Variants in ATP10B observed in about 807,000 individuals in gnomAD.
The protein encoded by ATP10B is ATPase phospholipid transporting 10B (putative).
ATP10B carries 122 observed loss-of-function variants against 141.2 expected under a neutral mutation model. The observed-to-expected ratio is 0.86, with a 90% confidence interval of 0.75 to 1.00. The LOEUF (loss-of-function observed/expected upper bound fraction) is 1.00. Ranked by LOEUF, ATP10B falls within the 50% of genes least tolerant of loss-of-function variation. The pLI is 0.00. For missense variants in ATP10B, 1,876 were observed against 1,825.3 expected (o/e 1.03, Z -0.51); for synonymous variants, 685 against 692.0 (o/e 0.99, Z 0.16).
Position 160,634,558 on chromosome 5 carries a change from C to T in ATP10B, c.1177G>A (p.Gly393Arg), listed in dbSNP as rs149397148. 9.9e-6 allele frequency: 16 copies of T among 1,613,744 alleles called. No individual in the cohort carries two copies. The highest frequency in any genetic ancestry group is 4.4e-5 in the South Asian group (4 of 91,006). The change falls in exon 12 of 26, where the codon GGG (glycine) becomes AGG (arginine). Residue 393 changes from glycine to arginine, a missense_variant. Physicochemically the swap from Gly to Arg is moderately radical, Grantham distance 125 (BLOSUM62 -2). Coordinates refer to ENST00000327245, the MANE Select transcript of ATP10B (RefSeq NM_025153.3). ...LYVSIELVKLGQVFFLSNDLD... is the reference protein window; with the variant it reads ...LYVSIELVKLRQVFFLSNDLD... ...TCATTGCTCAAGAAGAACACTTGCCCGAGCTTCACCAGCTCAATGGAGACA... is the reference window on the plus strand; with the variant it reads ...TCATTGCTCAAGAAGAACACTTGCCTGAGCTTCACCAGCTCAATGGAGACA...
intron 2 of ATP10B, among the ~76,000 whole-genome samples, chr5:160,767,469 A>T (rs936899344): frequency 1.3e-5 from 2 of 152,154 alleles, no homozygotes; most frequent in Admixed American, 6.6e-5. Context: ...CTGAGCTCAC[A>T]GTGCTATTTA....
At position 160,602,951 on chromosome 5, in the gene ATP10B, G is replaced by A. The variant is rs10476327; in HGVS notation, c.3238-249C>T. On this transcript the variant is annotated intron_variant, in intron 20 of 25. Coordinates refer to ENST00000327245, the MANE Select transcript of ATP10B (RefSeq NM_025153.3). Reference sequence around the variant, plus strand: ...AGTGGTCTAGGCTGGCTCTTCATCCGTTTATCCAGCAAGCATTGACTGTGG... The same window carrying A: ...AGTGGTCTAGGCTGGCTCTTCATCCATTTATCCAGCAAGCATTGACTGTGG... 1.8e-4 allele frequency: 70 copies of A among 384,850 alleles called. 1 individual carries two copies. Among genetic ancestry groups the A allele is most frequent in the African/African-American group, 8.2e-4 (40 of 48,820 alleles). 23.8% of individuals were successfully genotyped at this position (384,850 alleles called of 1,614,324 possible). A position where few individuals can be genotyped will look rare whatever the true frequency, so the allele number is the denominator to read the frequency against.
Position 160,732,516 on chromosome 5 carries a change from T to C in ATP10B, c.-330-15482A>G, listed in dbSNP as rs555490555. On this transcript the variant is annotated intron_variant, in intron 2 of 25. Coordinates refer to ENST00000327245, the MANE Select transcript of ATP10B (RefSeq NM_025153.3). ...GAGAGTCTAGTTTCATTCTTCTGCA[T>C]ATGGATATGCAGTTTTCCAGGCTTG... is the stretch of plus-strand genomic sequence containing the variant. Among the ~76,000 whole-genome samples, 49 of 152,324 alleles carry C rather than the reference T, an allele frequency of 3.2e-4. 1 individual carries two copies. The highest frequency in any genetic ancestry group is 3.4e-3 in the Middle Eastern group (1 of 294).
At chr5:160,725,409 G>A (rs143791603) in intron 2 of ATP10B, among the ~76,000 whole-genome samples, 5 of 151,998 alleles carry the variant, frequency 3.3e-5, no homozygotes, top group South Asian at 2.1e-4. Context: ...ATGTTTCATC[G>A]TCTTACCTAG....
chr5:160,783,073 A>T (rs1482149753), intron 2 of ATP10B, among the ~76,000 whole-genome samples: 2 of 151,926 alleles, frequency 1.3e-5, no homozygotes, highest in Admixed American at 1.3e-4. Flanking sequence ...CAGTTTGGTT[A>T]CATAAGTTCT....
chr5:160,576,245 G>T (rs1755181187), intron 24 of ATP10B, among the ~76,000 whole-genome samples: 1 of 152,154 alleles, frequency 6.6e-6, no homozygotes, highest in African/African-American at 2.4e-5. Context: ...TACTGTGAGT[G>T]TCTAGGATAA....
intron 6 of ATP10B, among the ~76,000 whole-genome samples, chr5:160,671,902 A>G (rs1019678117): frequency 7.4e-6 from 1 of 135,652 alleles, no homozygotes; most frequent in African/African-American, 2.8e-5. Context: ...TGGGTATACT[A>G]CCTCCCTGCA....
the ATP10B span, among the ~76,000 whole-genome samples, chr5:160,913,422 A>T: frequency 5.9e-5 from 9 of 152,248 alleles, no homozygotes; most frequent in Admixed American, 5.9e-4. Context: ...CACTAGAAGC[A>T]GTTACTATGG....
the ATP10B span, among the ~76,000 whole-genome samples, chr5:160,890,792 G>A: frequency 1.4e-4 from 21 of 152,024 alleles, no homozygotes; most frequent in Middle Eastern, 0.01. Context: ...ACAGCTCACC[G>A]CAGCCTCTAA....
intron 2 of ATP10B, among the ~76,000 whole-genome samples, chr5:160,778,499 A>T (rs1192196510): frequency 6.6e-6 from 1 of 152,142 alleles, no homozygotes; most frequent in African/African-American, 2.4e-5. Flanking sequence ...CCTCTTTTTT[A>T]AGTATCTGGG....
the ATP10B span, among the ~76,000 whole-genome samples, chr5:160,915,444 G>C: frequency 6.6e-6 from 1 of 151,792 alleles, no homozygotes. Flanking sequence ...TGATTCTCCT[G>C]TCTCAGCCTC....
intron 2 of ATP10B, among the ~76,000 whole-genome samples, chr5:160,721,607 T>A (rs1392284906): frequency 1.3e-5 from 2 of 152,174 alleles, no homozygotes; most frequent in Non-Finnish European, 2.9e-5. Context: ...GCTAAGAGGA[T>A]GGGGCTACTG....
At chr5:160,873,675 A>G in the ATP10B span, among the ~76,000 whole-genome samples, 3 of 152,158 alleles carry the variant, frequency 2.0e-5, no homozygotes, top group East Asian at 1.9e-4. Flanking sequence ...CAGTGGGTGC[A>G]CGCACTGTGC....
intron 2 of ATP10B, among the ~76,000 whole-genome samples, chr5:160,752,104 G>T (rs976123678): frequency 6.6e-6 from 1 of 150,886 alleles, no homozygotes; most frequent in Non-Finnish European, 1.5e-5. Context: ...ACATAAAAAG[G>T]CATTTGTGCA....
intron 24 of ATP10B, among the ~76,000 whole-genome samples, chr5:160,572,237 A>G (rs1452756065): frequency 6.6e-6 from 1 of 150,688 alleles, no homozygotes; most frequent in Non-Finnish European, 1.5e-5. Context: ...TGTTGTTCTC[A>G]GTGAGGGATG....
chr5:160,903,172 C>A, the ATP10B span, among the ~76,000 whole-genome samples: 6 of 152,114 alleles, frequency 3.9e-5, no homozygotes, highest in African/African-American at 1.2e-4. Context: ...GAAGCTGATG[C>A]CCAGAAACGT....
At chr5:160,659,192 G>T (rs997315744) in intron 7 of ATP10B, among the ~76,000 whole-genome samples, 2 of 152,124 alleles carry the variant, frequency 1.3e-5, no homozygotes, top group African/African-American at 2.4e-5. Context: ...CAGGCCGGGC[G>T]CAGTGGCTCA....
At chr5:160,815,150 G>A (rs1773509880) in intron 1 of ATP10B, among the ~76,000 whole-genome samples, 1 of 152,188 alleles carries the variant, frequency 6.6e-6, no homozygotes, top group African/African-American at 2.4e-5. Flanking sequence ...AACCTTAAAT[G>A]TAAATGGGCT....
At chr5:160,778,587 C>T (rs1394077949) in intron 2 of ATP10B, among the ~76,000 whole-genome samples, 9 of 152,142 alleles carry the variant, frequency 5.9e-5, no homozygotes, top group African/African-American at 2.2e-4. Context: ...GATGTCACAT[C>T]CAGAGAGCAT....
Sources: gnomAD v4.1 joint callset for allele counts (sites outside exome capture counted in the v4.1 genomes callset) on GRCh38, gnomAD v4.1.1 for gene constraint, MANE v1.5 for transcripts, NCBI Gene and HGNC (gene_info 2026-07-23, HGNC 2026-07-21) for gene names.